The following ARL13B variants were observed in gnomAD, a reference collection of about 807,000 sequenced individuals.
ARL13B encodes the protein ARF like GTPase 13B, also known as ADP-ribosylation factor-like protein 13B.
In ARL13B, 36 loss-of-function variants were observed where a neutral mutation model predicts 56.1. The ratio of observed to expected loss-of-function variants is 0.64; its 90% CI spans 0.49 to 0.85. The LOEUF is 0.85. Among genes scored for constraint, ARL13B ranks in the 40% least tolerant of loss-of-function variants. The pLI, the probability that ARL13B is intolerant of heterozygous loss-of-function variation, is 0.00. For missense variants in ARL13B, 519 were observed against 507.1 expected (o/e 1.02, Z -0.23); for synonymous variants, 178 against 171.1 (o/e 1.04, Z -0.32).
intron 5 of ARL13B, among the ~76,000 whole-genome samples, chr3:94,039,499 CAAA>C (rs11437061): frequency 3.1e-5 from 2 of 65,266 alleles, no homozygotes; most frequent in African/African-American, 4.9e-5. Context: ...GACTCCGACT[CAAA>C]AAAAAAAAAA....
chr3:94,050,328 T>G (rs2077049100), intron 8 of ARL13B, among the ~76,000 whole-genome samples: 1 of 152,136 alleles, frequency 6.6e-6, no homozygotes, highest in South Asian at 2.1e-4. Flanking sequence ...GGGACTTAAC[T>G]TGCACAATAA....
chr3:93,985,947 G>T (rs1159059903), intron 1 of ARL13B, among the ~76,000 whole-genome samples: 1 of 152,122 alleles, frequency 6.6e-6, no homozygotes, highest in Non-Finnish European at 1.5e-5. Flanking sequence ...CTTTTTCACT[G>T]AGGGAATACT....
intron 1 of ARL13B, among the ~76,000 whole-genome samples, chr3:93,984,871 G>A (rs1221381639): frequency 6.6e-6 from 1 of 152,066 alleles, no homozygotes; most frequent in Non-Finnish European, 1.5e-5. Flanking sequence ...TTAGCCAGAA[G>A]TAGTGGCATG....
chr3:94,005,382 A>G (rs530785448), intron 3 of ARL13B, among the ~76,000 whole-genome samples: 4 of 152,330 alleles, frequency 2.6e-5, no homozygotes, highest in African/African-American at 9.6e-5. Flanking sequence ...GAATGATCCT[A>G]ATAGGCCTTA....
chr3:93,980,329 G>A lies in ARL13B; in HGVS notation c.-95G>A, dbSNP rs1421864307. 5 of 1,507,366 alleles carry A rather than the reference G, an allele frequency of 3.3e-6. No individual in the cohort carries two copies. The African/African-American group carries it at 6.9e-5, about 21-fold the overall frequency. 93.4% of individuals were successfully genotyped at this position (1,507,366 alleles called of 1,614,324 possible). A position where few individuals can be genotyped will look rare whatever the true frequency, so the allele number is the denominator to read the frequency against. ...TTTTCCTCCCGACTTATCCACTTTA[G>A]GGGCGTCTCGGAGTGCCGGAGGCCC... On this transcript the variant is annotated 5_prime_UTR_variant, in exon 1 of 10. Transcript: ENST00000394222.
chr3:94,055,672 A>AGT lies in ARL13B; in HGVS notation c.*2409_*2410insGT. On this transcript the variant is annotated 3_prime_UTR_variant, in exon 10 of 10. Transcript: ENST00000394222. ...CTTCAAATATAAAACTATGCATAGA[A>AGT]ACAACACTAGAAAGAAATGTAGTTT... is the stretch of plus-strand genomic sequence containing the variant. 1 of 450,038 alleles carries AGT rather than the reference A, an allele frequency of 2.2e-6. No individual in the cohort carries two copies. Among genetic ancestry groups the AGT allele is most frequent in the Non-Finnish European group, 4.5e-6 (1 of 224,536 alleles). The allele number at this position is 450,038 out of a possible 1,614,324, so 27.9% of individuals were successfully genotyped here.
At chr3:94,030,980 T>G (rs1297607577) in intron 3 of ARL13B, among the ~76,000 whole-genome samples, 1 of 152,130 alleles carries the variant, frequency 6.6e-6, no homozygotes, top group African/African-American at 2.4e-5. Context: ...GAGACCAGCC[T>G]GGGGAACATA....
chr3:94,004,748 A>G (rs557892355), intron 3 of ARL13B, among the ~76,000 whole-genome samples: 114 of 152,230 alleles, frequency 7.5e-4, no homozygotes, highest in African/African-American at 2.7e-3. Flanking sequence ...TCTGATTGCA[A>G]AAGTTAAAAC....
At chr3:93,994,959 G>T (rs1342078391) in intron 1 of ARL13B, among the ~76,000 whole-genome samples, 1 of 152,146 alleles carries the variant, frequency 6.6e-6, no homozygotes, top group Non-Finnish European at 1.5e-5. Context: ...TAGGAGATTG[G>T]CCATACCCTA....
chr3:94,042,078 T>G (rs544432895), intron 6 of ARL13B, among the ~76,000 whole-genome samples: 114 of 152,186 alleles, frequency 7.5e-4, no homozygotes, highest in African/African-American at 2.7e-3. Context: ...AATAAAATAA[T>G]TCAATAATAG....
intron 3 of ARL13B, among the ~76,000 whole-genome samples, chr3:94,008,645 C>CGTA (rs1382145065): frequency 6.6e-6 from 1 of 152,018 alleles, no homozygotes; most frequent in African/African-American, 2.4e-5. Context: ...CTTTCTACAC[C>CGTA]CCCTCTCGCT....
chr3:94,039,095 T>C (rs2107132278), intron 5 of ARL13B, among the ~76,000 whole-genome samples: 1 of 152,316 alleles, frequency 6.6e-6, no homozygotes, highest in African/African-American at 2.4e-5. Context: ...TATTCTTTTA[T>C]ACTAAACAAG....
Position 94,049,489 on chromosome 3 carries a change from G to A in ARL13B, c.1108G>A (p.Glu370Lys). 6.2e-7 allele frequency: 1 copy of A among 1,611,806 alleles called. No homozygotes were observed. The part of the protein sequence containing the change: ...EPLNIDDCAP[E>K]SPTPPPPPPP... ...ACTTAATATAGATGACTGTGCTCCT[G>A]AGAGTCCAACGCCACCCCCACCCCC... The change falls in exon 8 of 10, where the codon GAG becomes AAG. Residue 370 changes from glutamate to lysine, a missense_variant. Transcript: ENST00000394222.
In ARL13B at chr3:94,055,347, T is replaced by C. The variant is rs1339003419; in HGVS notation, c.*2084T>C. 1 of 438,588 alleles carries C rather than the reference T, an allele frequency of 2.3e-6. No homozygotes were observed. Among genetic ancestry groups the C allele is most frequent in the Admixed American group, 2.4e-5 (1 of 41,110 alleles). 27.2% of individuals were successfully genotyped at this position (438,588 alleles called of 1,614,324 possible). On this transcript the variant is annotated 3_prime_UTR_variant, in exon 10 of 10. Coordinates refer to ENST00000394222, the MANE Select transcript of ARL13B (RefSeq NM_001174150.2). ...TTTGGGTAATAAAATAGGTAAAGATTTTAAAATATGATTATTGAAAAACAG... is the reference window on the plus strand; with the variant it reads ...TTTGGGTAATAAAATAGGTAAAGATCTTAAAATATGATTATTGAAAAACAG...
intron 2 of ARL13B, 106 bp from the exon 3 acceptor site, chr3:94,003,553 C>G: frequency 8.1e-7 from 1 of 1,241,080 alleles, no homozygotes. Flanking sequence ...TTTATTGTGT[C>G]AGTGAATGCT....
intron 1 of ARL13B, among the ~76,000 whole-genome samples, chr3:93,981,678 T>C (rs1346141690): frequency 6.6e-6 from 1 of 151,852 alleles, no homozygotes; most frequent in African/African-American, 2.4e-5. Context: ...GCCCTGGAGT[T>C]CGAGACCAGC....
chr3:94,013,995 T>C (rs902190859), intron 3 of ARL13B, among the ~76,000 whole-genome samples: 1 of 152,184 alleles, frequency 6.6e-6, no homozygotes, highest in Non-Finnish European at 1.5e-5. Flanking sequence ...AGCTTTATTG[T>C]AGCATGATTC....
Position 93,980,726 on chromosome 3 carries a change from AGT to A in ARL13B, c.59+278_59+279del, listed in dbSNP as rs35756044. On this transcript the variant is annotated intron_variant, in intron 1 of 9. Transcript: ENST00000394222. ...TTAAATAGGTTTGAATTTGTTAAAA[AGT>A]GTGTGTGTGTGTGTGTGTGTGTGTG... Among the ~76,000 whole-genome samples the A allele has an allele frequency of 0.16, 23,214 of 146,502 alleles. 2,035 individuals are homozygous for A. Among genetic ancestry groups the A allele is most frequent in the African/African-American group, 0.26 (10,321 of 40,166 alleles).
rs777838538 is a variant in ARL13B, at chr3:94,003,697, A to G, written c.169A>G (p.Lys57Glu). The G allele has an allele frequency of 3.7e-6, 6 of 1,613,544 alleles. No homozygotes were observed. The South Asian group carries it at 6.6e-5, about 18-fold the overall frequency. Reference protein sequence around the residue: ...EDVAPTVGFSKINLRQGKFEV... With the variant: ...EDVAPTVGFSEINLRQGKFEV... ...TGTAGCTCCTACTGTTGGATTTTCA[A>G]AAATTAACCTTAGACAAGGAAAGTT... Residue 57 changes from lysine (K) to glutamate (E), a missense_variant, in exon 3 of 10, where the codon AAA becomes GAA. Physicochemically the swap from Lys to Glu is moderately conservative, Grantham distance 56 (BLOSUM62 1). Coordinates refer to ENST00000394222, the MANE Select transcript of ARL13B (RefSeq NM_001174150.2).
Sources: gnomAD v4.1 joint callset for allele counts (sites outside exome capture counted in the v4.1 genomes callset) on GRCh38, gnomAD v4.1.1 for gene constraint, MANE v1.5 for transcripts, NCBI Gene and HGNC (gene_info 2026-07-23, HGNC 2026-07-21) for gene names.